FA2H: variants seen among roughly 807,000 people sequenced by gnomAD.
FA2H encodes fatty acid alpha-hydroxylase.
A neutral mutation model predicts 44.9 loss-of-function variants in FA2H; 22 were observed. The ratio of observed to expected loss-of-function variants is 0.49; its 90% confidence interval spans 0.35 to 0.70. FA2H has a LOEUF of 0.70. FA2H is among the 30% of genes least tolerant of loss of function. FA2H has a pLI of 0.01. For synonymous variants in FA2H, 243 were observed against 213.2 expected (o/e 1.14, Z -1.22); for missense variants, 501 against 504.9 (o/e 0.99, Z 0.07).
chr16:74,749,015 T>C (rs923508566), intron 1 of FA2H, among the ~76,000 whole-genome samples: 40 of 151,946 alleles, frequency 2.6e-4, no homozygotes, highest in Non-Finnish European at 5.1e-4. Context: ...CCCTGGCAGC[T>C]AGGAAGGGGC....
At chr16:74,753,802 C>T (rs143406950) in intron 1 of FA2H, among the ~76,000 whole-genome samples, 147 of 152,298 alleles carry the variant, frequency 9.7e-4, no homozygotes, top group Non-Finnish European at 1.6e-3. Context: ...CATGGTGCTC[C>T]GGAGTCACAA....
intron 4 of FA2H, among the ~76,000 whole-genome samples, chr16:74,723,811 A>C (rs1250498661): frequency 6.6e-6 from 1 of 152,118 alleles, no homozygotes; most frequent in Non-Finnish European, 1.5e-5. Flanking sequence ...GAAACACCCT[A>C]CCCATCTTGG....
At chr16:74,750,960 T>A (rs1168359784) in intron 1 of FA2H, among the ~76,000 whole-genome samples, 1 of 152,110 alleles carries the variant, frequency 6.6e-6, no homozygotes, top group African/African-American at 2.4e-5. Flanking sequence ...CTGTTTATTT[T>A]TTTTTAGAGA....
intron 1 of FA2H, among the ~76,000 whole-genome samples, chr16:74,759,982 A>G (rs887742762): frequency 6.6e-6 from 1 of 152,170 alleles, no homozygotes; most frequent in South Asian, 2.1e-4. Context: ...TTAGGCATGC[A>G]AGGACAAAGG....
intron 1 of FA2H, among the ~76,000 whole-genome samples, chr16:74,759,957 C>T (rs1298988122): frequency 6.6e-6 from 1 of 152,146 alleles, no homozygotes; most frequent in Non-Finnish European, 1.5e-5. Flanking sequence ...TTACCTTGTC[C>T]TGGACAGCCC....
chr16:74,771,528 G>A (rs1057280553), intron 1 of FA2H, among the ~76,000 whole-genome samples: 6 of 151,834 alleles, frequency 4.0e-5, no homozygotes, highest in Non-Finnish European at 5.9e-5. Context: ...TAGGGACAGC[G>A]TTTCACCATG....
At position 74,727,308 on chromosome 16, in the gene FA2H, G is replaced by C; in HGVS notation, c.442C>G (p.Pro148Ala). 1 of 1,614,142 alleles carries C rather than the reference G, an allele frequency of 6.2e-7. No homozygotes were observed. The highest frequency in any genetic ancestry group is 8.5e-7 in the Non-Finnish European group (1 of 1,180,010). ...AAGAGGCGGATGGGCCTGGTCACCG[G>C]CTGGTGAACCCACTCATCGTACTTC... Reference protein sequence around the residue: ...GEKYDEWVHQPVTRPIRLFHS... With the variant: ...GEKYDEWVHQAVTRPIRLFHS... Residue 148 changes from proline (P) to alanine (A), a missense_variant, in exon 3 of 7, where the codon CCG (proline) becomes GCG (alanine). Transcript: ENST00000219368.
At chr16:74,728,719 C>T (rs1366120063) in intron 2 of FA2H, among the ~76,000 whole-genome samples, 8 of 151,758 alleles carry the variant, frequency 5.3e-5, no homozygotes, top group East Asian at 3.9e-4. Context: ...AAAATATTAA[C>T]GACCCTATTT....
intron 1 of FA2H, among the ~76,000 whole-genome samples, chr16:74,757,292 G>A (rs1424153969): frequency 6.6e-6 from 1 of 152,180 alleles, no homozygotes; most frequent in African/African-American, 2.4e-5. Flanking sequence ...AATTTAAACA[G>A]GGAGCAATTT....
At position 74,729,773 on chromosome 16, in the gene FA2H, G is replaced by T. The variant is rs547130972; in HGVS notation, c.364-2387C>A. 2.4e-3 allele frequency among the ~76,000 whole-genome samples: 364 copies of T among 151,988 alleles called. 1 individual carries two copies. The highest frequency in any genetic ancestry group is 8.5e-3 in the African/African-American group (354 of 41,444). ...TCCTGGACGTGCATCTTTTCCTCCC[G>T]GAGCCCCTCAGTGCCCTCATCTGTG... On this transcript the variant is annotated intron_variant, in intron 2 of 6. Transcript: ENST00000219368.
intron 1 of FA2H, among the ~76,000 whole-genome samples, chr16:74,758,336 G>C (rs370401867): frequency 6.6e-6 from 1 of 151,684 alleles, no homozygotes; most frequent in African/African-American, 2.4e-5. Context: ...TGGCCAGACT[G>C]GTCTCGAACT....
chr16:74,719,060 G>A lies in FA2H; in HGVS notation c.714C>T (p.Phe238=). Residue 238 remains phenylalanine, a synonymous_variant, in exon 5 of 7, where the codon TTC becomes TTT. Transcript: ENST00000219368. ...LIEYLIHRFL[F]HMKPPSDSYY... Reference sequence around the variant, plus strand: ...AGCTGTCGCTGGGGGGCTTCATGTGGAACAGGAAGCGGTGGATGAGGTACT... The same window carrying A: ...AGCTGTCGCTGGGGGGCTTCATGTGAAACAGGAAGCGGTGGATGAGGTACT... The A allele has an allele frequency of 1.2e-6, 2 of 1,613,960 alleles. No homozygotes were observed. The highest frequency in any genetic ancestry group is 1.7e-6 in the Non-Finnish European group (2 of 1,179,950).
chr16:74,748,796 A>T (rs1387780926), intron 1 of FA2H, among the ~76,000 whole-genome samples: 1 of 152,230 alleles, frequency 6.6e-6, no homozygotes, highest in Admixed American at 6.5e-5. Context: ...GGGCGCCGGC[A>T]TAAAGGCATG....
At chr16:74,758,117 CTTT>C (rs71378706) in intron 1 of FA2H, among the ~76,000 whole-genome samples, 24,669 of 113,192 alleles carry the variant, frequency 0.22, 1,961 homozygotes, top group Middle Eastern at 0.33. Context: ...GGAAACAATT[CTTT>C]TTTTTTTTTT....
intron 2 of FA2H, among the ~76,000 whole-genome samples, chr16:74,734,510 C>T (rs1486363006): frequency 6.6e-6 from 1 of 152,208 alleles, no homozygotes; most frequent in African/African-American, 2.4e-5. Context: ...GGTCCATGCC[C>T]CTCCCCCAGC....
intron 1 of FA2H, among the ~76,000 whole-genome samples, chr16:74,773,533 T>G (rs1597577011): frequency 6.6e-6 from 1 of 152,322 alleles, no homozygotes; most frequent in Non-Finnish European, 1.5e-5. Context: ...AGAGTCGCTT[T>G]GCCTCTGGCC....
At chr16:74,716,077 T>TC (rs963962329) in intron 6 of FA2H, among the ~76,000 whole-genome samples, 1 of 151,992 alleles carries the variant, frequency 6.6e-6, no homozygotes, top group Non-Finnish European at 1.5e-5. Context: ...GGCTTCCCAA[T>TC]CCCCTCGGCT....
Position 74,772,864 on chromosome 16 carries a change from C to A in FA2H, c.270+1622G>T, listed in dbSNP as rs553989421. Reference sequence around the variant, plus strand: ...ACACCTGTCATTCACCTCACTCCAACCCATCATGTAGGCATCTTATTATCT... The same window carrying A: ...ACACCTGTCATTCACCTCACTCCAAACCATCATGTAGGCATCTTATTATCT... On this transcript the variant is annotated intron_variant, in intron 1 of 6. Transcript: ENST00000219368. 1.5e-4 allele frequency among the ~76,000 whole-genome samples: 23 copies of A among 152,244 alleles called. No individual in the cohort carries two copies. The East Asian group carries it at 4.2e-3, about 28-fold the overall frequency.
rs946248523 is a variant in FA2H at position 74,753,232 on chromosome 16, A to G, written c.271-13117T>C. ...CAAAGTCACACCGCCAGTTAGATAC[A>G]GAGCCAGAACTAGAGCACAGTCTTA... is the stretch of plus-strand genomic sequence containing the variant. On this transcript the variant is annotated intron_variant, in intron 1 of 6. Coordinates refer to ENST00000219368, the MANE Select transcript of FA2H (RefSeq NM_024306.5). Among the ~76,000 whole-genome samples, 3 of 152,228 alleles carry G rather than the reference A, an allele frequency of 2.0e-5. No individual in the cohort carries two copies. The East Asian group carries it at 5.8e-4, about 29-fold the overall frequency.
Sources: gnomAD v4.1 joint callset for allele counts (sites outside exome capture counted in the v4.1 genomes callset) on GRCh38, gnomAD v4.1.1 for gene constraint, MANE v1.5 for transcripts, NCBI Gene and HGNC (gene_info 2026-07-23, HGNC 2026-07-21) for gene names.